Variants in VPS13B observed in about 807,000 individuals in gnomAD.
VPS13B encodes the protein intermembrane lipid transfer protein VPS13B.
VPS13B carries 285 observed loss-of-function variants against 426.4 expected under a neutral mutation model. The observed-to-expected ratio is 0.67, with a 90% CI of 0.61 to 0.74. The LOEUF (loss-of-function observed/expected upper bound fraction) is 0.74, where lower values mean the gene tolerates loss of function less well. Ranked by LOEUF, VPS13B falls within the 30% of genes least tolerant of loss-of-function variation. The pLI is 0.00. For synonymous variants in VPS13B, 1,676 were observed against 1,676.4 expected (o/e 1.00, Z 0.01); for missense variants, 4,537 against 4,782.6 (o/e 0.95, Z 1.51).
intron 23 of VPS13B, among the ~76,000 whole-genome samples, chr8:99,446,354 CAAT>C (rs1817920616): frequency 6.6e-6 from 1 of 152,106 alleles, no homozygotes; most frequent in Admixed American, 6.5e-5. Flanking sequence ...TTAGGAGGTA[CAAT>C]GTCATTTCAT....
chr8:99,300,562 G>T, intron 19 of VPS13B, among the ~76,000 whole-genome samples: 1 of 152,152 alleles, frequency 6.6e-6, no homozygotes, highest in Non-Finnish European at 1.5e-5. Context: ...TATGTGTTTG[G>T]CTAAGAGTAC....
At chr8:99,675,265 C>A (rs1023450364) in intron 35 of VPS13B, among the ~76,000 whole-genome samples, 3 of 151,982 alleles carry the variant, frequency 2.0e-5, no homozygotes, top group Non-Finnish European at 4.4e-5. Flanking sequence ...ATATATCATC[C>A]CACTCTCCTC....
At chr8:99,812,625 T>C (rs1191934246) in intron 44 of VPS13B, among the ~76,000 whole-genome samples, 1 of 152,218 alleles carries the variant, frequency 6.6e-6, no homozygotes, top group East Asian at 1.9e-4. Context: ...CACAGAAAAT[T>C]TTGTGGGAAC....
intron 19 of VPS13B, among the ~76,000 whole-genome samples, chr8:99,318,397 T>C (rs1809786235): frequency 6.6e-6 from 1 of 151,996 alleles, no homozygotes. Flanking sequence ...AGTTTATCTA[T>C]TCCTGTCCTG....
In VPS13B at chr8:99,770,736, C is replaced by G. The variant is rs182239999; in HGVS notation, c.7247+3766C>G. Among the ~76,000 whole-genome samples, 962 of 152,270 alleles carry G rather than the reference C, an allele frequency of 6.3e-3. 7 individuals are homozygous for G. The highest frequency in any genetic ancestry group is 0.022 in the African/African-American group (904 of 41,530). ...TTCTAAGTCACCTTGTGGGTACCTCCCACTGACTGAATCCGAGGACAAGCC... is the reference window on the plus strand; with the variant it reads ...TTCTAAGTCACCTTGTGGGTACCTCGCACTGACTGAATCCGAGGACAAGCC... On this transcript the variant is annotated intron_variant, in intron 40 of 61. Coordinates refer to ENST00000357162, the MANE Select transcript of VPS13B (RefSeq NM_152564.5).
intron 39 of VPS13B, among the ~76,000 whole-genome samples, chr8:99,740,073 C>A (rs538788896): frequency 9.2e-5 from 14 of 151,598 alleles, no homozygotes; most frequent in African/African-American, 3.4e-4. Context: ...AAAAACCTTG[C>A]AAAAAAAATT....
At chr8:99,304,584 T>A (rs1166485487) in intron 19 of VPS13B, among the ~76,000 whole-genome samples, 2 of 152,134 alleles carry the variant, frequency 1.3e-5, no homozygotes, top group African/African-American at 2.4e-5. Flanking sequence ...TTTTTGATTA[T>A]CTGTGAACAT....
intron 19 of VPS13B, among the ~76,000 whole-genome samples, chr8:99,380,185 C>G (rs1466622766): frequency 6.6e-6 from 1 of 152,028 alleles, no homozygotes; most frequent in Admixed American, 6.6e-5. Context: ...AGTAGAGCTG[C>G]CAGAATTGTT....
intron 19 of VPS13B, among the ~76,000 whole-genome samples, chr8:99,301,262 G>C (rs1277123067): frequency 6.6e-6 from 1 of 151,002 alleles, no homozygotes; most frequent in African/African-American, 2.4e-5. Context: ...TTAGTATCAG[G>C]CACTCTTTTA....
intron 8 of VPS13B, 57 bp from the exon 9 acceptor site, chr8:99,134,575 C>A (rs1809972608): frequency 4.5e-6 from 6 of 1,322,900 alleles, no homozygotes; most frequent in Non-Finnish European, 5.3e-6. Context: ...ATCATAATGA[C>A]AATTTATTGC....
At chr8:99,703,021 A>G (rs1031551066) in intron 36 of VPS13B, among the ~76,000 whole-genome samples, 2 of 152,150 alleles carry the variant, frequency 1.3e-5, no homozygotes, top group African/African-American at 4.8e-5. Flanking sequence ...AACTGTCATA[A>G]GCTTACAGGA....
intron 3 of VPS13B, among the ~76,000 whole-genome samples, chr8:99,084,926 T>A (rs1845690868): frequency 6.6e-6 from 1 of 152,162 alleles, no homozygotes; most frequent in Non-Finnish European, 1.5e-5. Flanking sequence ...AGAATGTATA[T>A]TCTGTTGATT....
chr8:99,338,334 T>G (rs1811046050), intron 19 of VPS13B, among the ~76,000 whole-genome samples: 1 of 152,116 alleles, frequency 6.6e-6, no homozygotes, highest in South Asian at 2.1e-4. Context: ...TTGAACGTAG[T>G]GTATCTCATC....
chr8:99,112,765 T>C (rs764567242), intron 6 of VPS13B, among the ~76,000 whole-genome samples: 13 of 152,180 alleles, frequency 8.5e-5, no homozygotes, highest in Non-Finnish European at 1.8e-4. Context: ...TGATCATTAG[T>C]GCAAATGTAA....
In VPS13B at chr8:99,877,557, A is replaced by G. The variant is rs936428956; in HGVS notation, c.*1891A>G. The G allele has an allele frequency of 7.9e-5, 12 of 152,402 alleles. No individual in the cohort carries two copies. The highest frequency in any genetic ancestry group is 2.9e-4 in the African/African-American group (12 of 41,454). 9.4% of individuals were successfully genotyped at this position (152,402 alleles called of 1,614,324 possible). ...AAATGGGTAATATACAGGTTTTGTTATAATAAAGTTACTGATTAAATTAGC... is the reference window on the plus strand; with the variant it reads ...AAATGGGTAATATACAGGTTTTGTTGTAATAAAGTTACTGATTAAATTAGC... On this transcript the variant is annotated 3_prime_UTR_variant, in exon 62 of 62. Transcript: ENST00000357162.
At chr8:99,646,220 T>TA (rs1480615034) in intron 34 of VPS13B, among the ~76,000 whole-genome samples, 36 of 152,182 alleles carry the variant, frequency 2.4e-4, no homozygotes, top group African/African-American at 8.2e-4. Context: ...CTCTGGATAT[T>TA]AAAATTCTTT....
chr8:99,258,753 G>A (rs759489231), intron 17 of VPS13B, among the ~76,000 whole-genome samples: 6 of 151,986 alleles, frequency 3.9e-5, no homozygotes, highest in East Asian at 1.9e-4. Flanking sequence ...TATGGTCTTC[G>A]ATCCATTGTA....
Position 99,868,448 on chromosome 8 carries a change from T to C in VPS13B, c.11375T>C (p.Val3792Ala). 1 of 1,612,844 alleles carries C rather than the reference T, an allele frequency of 6.2e-7. No homozygotes were observed. The highest frequency in any genetic ancestry group is 8.5e-7 in the Non-Finnish European group (1 of 1,179,510). Residue 3792 changes from valine (V) to alanine (A), a missense_variant, in exon 59 of 62, where the codon GTG (valine) becomes GCG (alanine). Around this residue, in one of 2 missense-constraint regions of VPS13B, gnomAD observed 4,311 missense variants for 4,474.3 expected, o/e 0.96. Coordinates refer to ENST00000357162, the MANE Select transcript of VPS13B (RefSeq NM_152564.5). ...CCCATCGGAGGAGCTGCTGAGCTGG[T>C]GTCACAGACTGGCTATGGTAAGTCG... ...TKPIGGAAEL[V>A]SQTGYGILHG...
chr8:99,172,084 T>A (rs1237686964), intron 16 of VPS13B, among the ~76,000 whole-genome samples: 1 of 152,164 alleles, frequency 6.6e-6, no homozygotes, highest in Non-Finnish European at 1.5e-5. Flanking sequence ...AGCAATGATA[T>A]CTAAATGTTT....
Sources: allele counts gnomAD v4.1 joint callset (sites outside exome capture counted in the v4.1 genomes callset), GRCh38; gene constraint gnomAD v4.1.1; regional missense constraint gnomAD v4.1.1; transcripts MANE v1.5; gene names NCBI Gene and HGNC (gene_info 2026-07-23, HGNC 2026-07-21).